Variants in ZNF195 observed in about 807,000 individuals in gnomAD.
The protein encoded by ZNF195 is hypoxia-regulated factor-1.
ZNF195 carries 11 observed loss-of-function variants against 19.5 expected under a neutral mutation model. That is an observed-to-expected ratio of 0.57 (90% CI 0.36 to 0.94). ZNF195 has a LOEUF of 0.94. ZNF195 is among the 40% of genes least tolerant of loss of function. The probability of loss-of-function intolerance (pLI) is 0.01; values close to 1 mark genes in which losing one functional copy is unlikely to be tolerated. For synonymous variants in ZNF195, 214 were observed against 248.1 expected (o/e 0.86, Z 1.29); for missense variants, 582 against 709.0 (o/e 0.82, Z 2.03).
chr11:3,376,648 T>A (rs187847111), intron 1 of ZNF195, among the ~76,000 whole-genome samples: 108 of 152,348 alleles, frequency 7.1e-4, no homozygotes, highest in African/African-American at 1.9e-3. Context: ...ACTTACACTT[T>A]CACCTCCACA....
intron 3 of ZNF195, among the ~76,000 whole-genome samples, chr11:3,364,225 C>G (rs751136834): frequency 2.4e-4 from 36 of 152,072 alleles, no homozygotes; most frequent in Non-Finnish European, 2.6e-4. Context: ...TTTGGGTGGG[C>G]CAAGGCAGGA....
At chr11:3,360,631 C>A in intron 5 of ZNF195, 66 bp from the exon 6 acceptor site, 6 of 1,550,610 alleles carry the variant, frequency 3.9e-6, no homozygotes, top group Non-Finnish European at 5.2e-6. Context: ...TGAATCTAAT[C>A]TATAAAATAA....
Position 3,358,771 on chromosome 11 carries a change from T to C in ZNF195, c.*347A>G, listed in dbSNP as rs1589798012. The C allele has an allele frequency of 1.9e-5, 1 of 52,630 alleles. No homozygotes were observed. Among genetic ancestry groups the C allele is most frequent in the Non-Finnish European group, 2.9e-5 (1 of 34,306 alleles). The allele number at this position is 52,630 out of a possible 1,614,324, so 3.3% of individuals were successfully genotyped here. Reference sequence around the variant, plus strand: ...TGTCATTTCTGAACGTGTCCTTGCTTATTTTTCCCATTTAGTGTATTTGCA... The same window carrying C: ...TGTCATTTCTGAACGTGTCCTTGCTCATTTTTCCCATTTAGTGTATTTGCA... On this transcript the variant is annotated 3_prime_UTR_variant, in exon 6 of 6. Transcript: ENST00000399602.
Position 3,359,410 on chromosome 11 carries a change from T to C in ZNF195, c.1598A>G (p.Gln533Arg). The C allele has an allele frequency of 6.2e-7, 1 of 1,614,210 alleles. No individual in the cohort carries two copies. The highest frequency in any genetic ancestry group is 8.5e-7 in the Non-Finnish European group (1 of 1,180,034). ...KCDECGKNFT[Q>R]SSNLIVHKRI... ...CTTATGTACAATAAGGTTGGAGGAC[T>C]GGGTAAAGTTTTTTCCACATTCGTC... The change falls in exon 6 of 6, where the codon CAG becomes CGG. Residue 533 changes from glutamine to arginine, a missense_variant. Gln to Arg is a conservative substitution (Grantham distance 43). This residue lies in a region of ZNF195 where 407 missense variants were observed against 530.5 expected (regional missense o/e 0.77). Transcript: ENST00000399602. The surrounding 1 kb of genome is among the most constrained non-coding windows in gnomAD (Gnocchi z 5.5).
intron 3 of ZNF195, among the ~76,000 whole-genome samples, chr11:3,368,085 C>CAAAA (rs143870493): frequency 6.6e-6 from 1 of 151,432 alleles, no homozygotes; most frequent in Non-Finnish European, 1.5e-5. Context: ...TCAAAACAAA[C>CAAAA]AAACAAACAA....
rs114086678 is a variant in ZNF195, at chr11:3,369,492, G to A, written c.226+1483C>T. On this transcript the variant is annotated intron_variant, in intron 3 of 5. Transcript: ENST00000399602. ...GTCAAGATATAAAGACAAGCTAAAC[G>A]TTTGCGGATGCTGAATGGATAAAGA... 133 of 452,916 alleles carry A rather than the reference G, an allele frequency of 2.9e-4. 2 individuals carry two copies. Among genetic ancestry groups the A allele is most frequent in the African/African-American group, 1.8e-3 (88 of 50,080 alleles). 28.1% of individuals were successfully genotyped at this position (452,916 alleles called of 1,614,324 possible).
intron 4 of ZNF195, 57 bp downstream of exon 4, chr11:3,361,686 G>A: frequency 7.8e-7 from 1 of 1,288,458 alleles, no homozygotes. Flanking sequence ...AGTCAAAGGA[G>A]AAAAGAATCC....
chr11:3,378,288 G>A (rs7933619), intron 1 of ZNF195, among the ~76,000 whole-genome samples: 1 of 151,832 alleles, frequency 6.6e-6, no homozygotes, highest in South Asian at 2.1e-4. Context: ...CCAGCCTGGG[G>A]GACAGAGCGA....
Position 3,361,757 on chromosome 11 carries a change from A to G in ZNF195, c.359T>C (p.Val120Ala). ...TAGGAGATTACCAGTGAATTTGTCC[A>G]CAGAAACATTGAGGCCTGGCTGGGC... ...HRAQPGLNVS[V>A]DKFTALCSPG... The change falls in exon 4 of 6, where the codon GTG becomes GCG. Residue 120 changes from valine (V) to alanine (A), a missense_variant. Transcript: ENST00000399602. The G allele has an allele frequency of 1.5e-6, 2 of 1,298,650 alleles. No individual in the cohort carries two copies. Among genetic ancestry groups the G allele is most frequent in the South Asian group, 2.5e-5 (2 of 80,838 alleles). 80.4% of individuals were successfully genotyped at this position (1,298,650 alleles called of 1,614,324 possible). A position where few individuals can be genotyped will look rare whatever the true frequency, so the allele number is the denominator to read the frequency against.
Position 3,359,056 on chromosome 11 carries a change from T to A in ZNF195, c.*62A>T. ...ACTTTATTAAGTCTGAACTCTGATG[T>A]AAAGTGGGATGCGAGCAGATACTAA... On this transcript the variant is annotated 3_prime_UTR_variant, in exon 6 of 6. Coordinates refer to ENST00000399602, the MANE Select transcript of ZNF195 (RefSeq NM_001130520.3). This position sits in a 1 kb window ranked among gnomAD's most constrained non-coding sequence, Gnocchi z 5.5. 1 of 1,481,712 alleles carries A rather than the reference T, an allele frequency of 6.7e-7. No homozygotes were observed. The highest frequency in any genetic ancestry group is 2.4e-5 in the Admixed American group (1 of 42,524). 91.8% of individuals were successfully genotyped at this position (1,481,712 alleles called of 1,614,324 possible).
At chr11:3,370,421 A>G (rs1315441855) in intron 3 of ZNF195, among the ~76,000 whole-genome samples, 2 of 152,248 alleles carry the variant, frequency 1.3e-5, no homozygotes, top group East Asian at 3.8e-4. Context: ...ATAACATTAG[A>G]TTATCTCATA....
intron 2 of ZNF195, among the ~76,000 whole-genome samples, chr11:3,371,303 TTGTGGGCAACAA>T (rs1310436622): frequency 6.6e-6 from 1 of 150,866 alleles, no homozygotes; most frequent in East Asian, 1.9e-4. Context: ...TGACTTTAAG[TTGTGGGCAACAA>T]TATTTCATGC....
chr11:3,369,194 A>G (rs1334532230), intron 3 of ZNF195: 1 of 232,522 alleles, frequency 4.3e-6, no homozygotes, highest in East Asian at 1.0e-4. Flanking sequence ...TTTGCCTTCT[A>G]AATAGTAAGA....
intron 1 of ZNF195, among the ~76,000 whole-genome samples, chr11:3,376,138 C>G (rs1849449085): frequency 6.6e-6 from 1 of 151,998 alleles, no homozygotes; most frequent in Non-Finnish European, 1.5e-5. Flanking sequence ...CTAACTGCAT[C>G]TGCCTGTGGG....
At chr11:3,364,504 G>A (rs1466972036) in intron 3 of ZNF195, among the ~76,000 whole-genome samples, 2 of 151,816 alleles carry the variant, frequency 1.3e-5, no homozygotes, top group African/African-American at 4.9e-5. Flanking sequence ...TTTGCTACCA[G>A]ACACAAAATA....
intron 3 of ZNF195, among the ~76,000 whole-genome samples, chr11:3,368,374 G>A (rs939899788): frequency 5.9e-5 from 9 of 152,142 alleles, no homozygotes; most frequent in African/African-American, 9.7e-5. Context: ...TCAGGACCTC[G>A]GGGTGAGAGG....
chr11:3,369,790 T>A lies in ZNF195; in HGVS notation c.226+1185A>T, dbSNP rs573169174. Among the ~76,000 whole-genome samples the A allele has an allele frequency of 5.3e-5, 8 of 152,322 alleles. No individual in the cohort carries two copies. In the South Asian group the frequency reaches 1.4e-3, roughly 28 times the overall value. ...AACTTTCAGTTGTAAGATGAGTAAG[T>A]TTGGGGAATCTAATGAGTAGCTTCA... On this transcript the variant is annotated intron_variant, in intron 3 of 5. Coordinates refer to ENST00000399602, the MANE Select transcript of ZNF195 (RefSeq NM_001130520.3).
rs746822277 is a variant in ZNF195, at chr11:3,360,114, T to C, written c.894A>G (p.Lys298=). 2 of 1,614,114 alleles carry C rather than the reference T, an allele frequency of 1.2e-6. No individual in the cohort carries two copies. The highest frequency in any genetic ancestry group is 8.5e-7 in the Non-Finnish European group (1 of 1,180,018). The part of the protein sequence containing the change: ...TEPENIDTGE[K]PYKCQECNNV... ...TGTTACATTCTTGACACTTGTAAGG[T>C]TTCTCTCCAGTGTCAATGTTCTCAG... The change falls in exon 6 of 6, where the codon AAA becomes AAG. Residue 298 remains lysine, a synonymous_variant. Transcript: ENST00000399602.
Position 3,359,457 on chromosome 11 carries a change from A to T in ZNF195, c.1551T>A (p.Thr517=), listed in dbSNP as rs1564910807. Reference sequence around the variant, plus strand: ...CGTCACATTTGTAGGGCTTCTCTCCAGTATGGGTTTTCTTATGCTTAGTGA... The same window carrying T: ...CGTCACATTTGTAGGGCTTCTCTCCTGTATGGGTTTTCTTATGCTTAGTGA... ...SDLTKHKKTH[T]GEKPYKCDEC... Residue 517 remains threonine, a synonymous_variant, in exon 6 of 6, where the codon ACT becomes ACA. Coordinates refer to ENST00000399602, the MANE Select transcript of ZNF195 (RefSeq NM_001130520.3). This position sits in a 1 kb window ranked among gnomAD's most constrained non-coding sequence, Gnocchi z 5.5. The T allele has an allele frequency of 1.2e-6, 2 of 1,614,210 alleles. No homozygotes were observed. Among genetic ancestry groups the T allele is most frequent in the Non-Finnish European group, 1.7e-6 (2 of 1,180,048 alleles).
Sources: allele counts gnomAD v4.1 joint callset (sites outside exome capture counted in the v4.1 genomes callset), GRCh38; gene constraint gnomAD v4.1.1; regional missense constraint gnomAD v4.1.1; non-coding constraint Gnocchi (gnomAD v3.1); transcripts MANE v1.5; gene names NCBI Gene and HGNC (gene_info 2026-07-23, HGNC 2026-07-21).